Variants in SNX20 observed in about 807,000 individuals in gnomAD.
SNX20 encodes the protein sorting nexin-20.
A neutral mutation model predicts 24.5 loss-of-function variants in SNX20; 21 were observed. That is an observed-to-expected ratio of 0.86 (90% CI 0.61 to 1.23). The LOEUF is 1.23. SNX20 is among the 50% of genes most tolerant of loss of function. The probability of loss-of-function intolerance (pLI) is 0.00; values close to 1 mark genes in which losing one functional copy is unlikely to be tolerated. For synonymous variants in SNX20, 206 were observed against 192.8 expected, an observed-to-expected ratio of 1.07 and a Z score of -0.57; for missense variants, 433 against 430.8, an observed-to-expected ratio of 1.00 and a Z score of -0.04.
Position 50,672,583 on chromosome 16 carries a change from T to G in SNX20, c.*823A>C, listed in dbSNP as rs1567368848. 6.6e-6 allele frequency: 1 copy of G among 151,600 alleles called. No homozygotes were observed. The highest frequency in any genetic ancestry group is 1.5e-5 in the Non-Finnish European group (1 of 68,374). 9.4% of individuals were successfully genotyped at this position (151,600 alleles called of 1,614,324 possible). ...GCAATAGGTGAGCTTTTGTTTTGCT[T>G]TGTCAGGTCTACATGGTAAGGGGGA... On this transcript the variant is annotated 3_prime_UTR_variant, in exon 4 of 4. Transcript: ENST00000330943.
chr16:50,674,160 CG>C, intron 3 of SNX20, 86 bp from the exon 4 acceptor site: 1 of 1,462,612 alleles, frequency 6.8e-7, no homozygotes, highest in South Asian at 1.5e-5. Flanking sequence ...TTAACCAGGC[CG>C]GTGTAAAGCA....
rs533505084 is a variant in SNX20 at position 50,680,417 on chromosome 16, C to T, written c.-10+773G>A. 8.5e-5 allele frequency among the ~76,000 whole-genome samples: 13 copies of T among 152,280 alleles called. No individual in the cohort carries two copies. In the South Asian group the frequency reaches 1.4e-3, roughly 17 times the overall value. ...CCAGGGGACAGAGCAGCTTCCCAGC[C>T]TCCTCTGCCTTCCAGCCGTGTGTGC... On this transcript the variant is annotated intron_variant, in intron 1 of 3. Coordinates refer to ENST00000330943, the MANE Select transcript of SNX20 (RefSeq NM_182854.4).
chr16:50,669,329 C>G (rs560034704), downstream of SNX20: 31 of 568,166 alleles, frequency 5.5e-5, 1 homozygote, highest in South Asian at 6.6e-4. Flanking sequence ...AGGAAGCTTC[C>G]ACTTATGGTG....
intron 3 of SNX20, 47 bp downstream of exon 3, chr16:50,675,723 A>C: frequency 6.2e-7 from 1 of 1,606,092 alleles, no homozygotes; most frequent in Non-Finnish European, 8.5e-7. Context: ...AGGGCCAGGA[A>C]GGAAGCAGAG....
At chr16:50,675,687 AACCTGAGGCTCT>A (rs1963163787) in intron 3 of SNX20, 71 bp downstream of exon 3, 11 of 1,545,852 alleles carry the variant, frequency 7.1e-6, no homozygotes, top group Non-Finnish European at 7.9e-6. Flanking sequence ...ATAGTTGGGA[AACCTGAGGCTCT>A]ACAAGACTTA....
intron 3 of SNX20, among the ~76,000 whole-genome samples, chr16:50,674,723 T>G (rs1963145011): frequency 6.6e-6 from 1 of 152,242 alleles, no homozygotes; most frequent in South Asian, 2.1e-4. Context: ...TGAGATGCTG[T>G]GTTTTCCAAA....
At chr16:50,674,124 G>A (rs535558725) in intron 3 of SNX20, 50 bp from the exon 4 acceptor site, 3 of 1,534,484 alleles carry the variant, frequency 2.0e-6, no homozygotes, top group East Asian at 4.7e-5. Flanking sequence ...GGGGGCTGCG[G>A]CGGACGGAGC....
In SNX20 at chr16:50,673,939, A is replaced by T. The variant is rs187260713; in HGVS notation, c.418T>A (p.Phe140Ile). ...TTCCCAGTCAGGTGCTTCCTGGGAAACTCCACGTCTTCGATCTCCTCCCTG... is the reference window on the plus strand; with the variant it reads ...TTCCCAGTCAGGTGCTTCCTGGGAATCTCCACGTCTTCGATCTCCTCCCTG... ...TFREEIEDVE[F>I]PRKHLTGNFA... Residue 140 changes from phenylalanine to isoleucine, a missense_variant, in exon 4 of 4, where the codon TTT becomes ATT. By Grantham distance (21) the Phe-to-Ile change is conservative (BLOSUM62 0). Transcript: ENST00000330943. This position sits in a 1 kb window ranked among gnomAD's most constrained non-coding sequence, Gnocchi z 4.1. The T allele has an allele frequency of 6.2e-7, 1 of 1,612,728 alleles. No individual in the cohort carries two copies. The highest frequency in any genetic ancestry group is 2.2e-5 in the East Asian group (1 of 44,742).
chr16:50,669,249 G>A, downstream of SNX20: 1 of 683,494 alleles, frequency 1.5e-6, no homozygotes, highest in Non-Finnish European at 2.7e-6. Flanking sequence ...AAAGAAAAGA[G>A]GGTTATTTGG....
intron 2 of SNX20, 47 bp from the exon 3 acceptor site, chr16:50,675,968 C>T (rs369779883): frequency 9.7e-6 from 15 of 1,545,928 alleles, no homozygotes; most frequent in East Asian, 4.6e-5. Flanking sequence ...CAGTGCACTT[C>T]CGAGGCATGG....
At chr16:50,668,965 A>G (rs1962977592), downstream of SNX20, 1 of 1,538,474 alleles carries the variant, frequency 6.5e-7, no homozygotes, top group African/African-American at 1.4e-5. Context: ...CTGACCCTGC[A>G]CCCCTAGGCC....
rs763058281 is a variant in SNX20 at position 50,673,917 on chromosome 16, C to A, written c.440G>T (p.Gly147Val). 6.2e-7 allele frequency: 1 copy of A among 1,612,104 alleles called. No individual in the cohort carries two copies. The change falls in exon 4 of 4, where the codon GGG becomes GTG. Residue 147 changes from glycine to valine, a missense_variant. Physicochemically the swap from Gly to Val is moderately radical, Grantham distance 109. Transcript: ENST00000330943. This position sits in a 1 kb window ranked among gnomAD's most constrained non-coding sequence, Gnocchi z 4.1. ...ACAGATCATCTCCTCAGCGAAGTTC[C>A]CAGTCAGGTGCTTCCTGGGAAACTC... ...DVEFPRKHLT[G>V]NFAEEMICER... is the part of the protein sequence containing the mutation.
At chr16:50,674,415 T>G (rs1963139248) in intron 3 of SNX20, among the ~76,000 whole-genome samples, 1 of 151,678 alleles carries the variant, frequency 6.6e-6, no homozygotes, top group Admixed American at 6.6e-5. Context: ...CCTGGCAGAT[T>G]TTTTGATTTT....
intron 3 of SNX20, 89 bp downstream of exon 3, chr16:50,675,681 T>G: frequency 2.0e-6 from 3 of 1,525,042 alleles, no homozygotes; most frequent in Admixed American, 4.3e-5. Context: ...CATTTCATAG[T>G]TGGGAAACCT....
At chr16:50,674,221 GTTTGTTTGT>G (rs1963131031) in intron 3 of SNX20, 147 bp from the exon 4 acceptor site, 8 of 914,770 alleles carry the variant, frequency 8.7e-6, no homozygotes, top group Non-Finnish European at 1.2e-5. Flanking sequence ...TTGTTTGTTT[GTTTGTTTGT>G]TTATTTATTT....
chr16:50,674,158 G>T, intron 3 of SNX20, 84 bp from the exon 4 acceptor site: 3 of 1,485,206 alleles, frequency 2.0e-6, no homozygotes, highest in South Asian at 2.9e-5. Flanking sequence ...AGTTAACCAG[G>T]CCGGTGTAAA....
At chr16:50,680,596 T>C (rs1963276266) in intron 1 of SNX20, among the ~76,000 whole-genome samples, 1 of 152,110 alleles carries the variant, frequency 6.6e-6, no homozygotes, top group South Asian at 2.1e-4. Flanking sequence ...GGGATGAGCC[T>C]CTAGGGGGTG....
Position 50,673,764 on chromosome 16 carries a change from G to GC in SNX20, c.592dup (p.Ala198GlyfsTer166), listed in dbSNP as rs1293624604. 6.5e-7 allele frequency: 1 copy of GC among 1,527,244 alleles called. No homozygotes were observed. Among genetic ancestry groups the GC allele is most frequent in the African/African-American group, 1.4e-5 (1 of 71,960 alleles). 94.6% of individuals were successfully genotyped at this position (1,527,244 alleles called of 1,614,324 possible). ...CTCCAGGGCGCGCGGGTACTGGCCG[G>GC]CCCGCAGGCAGCCGAAAGCCTCGCG... On this transcript the variant is annotated frameshift_variant, in exon 4 of 4. Transcript: ENST00000330943. LOFTEE classifies it high-confidence loss of function. This position sits in a 1 kb window ranked among gnomAD's most constrained non-coding sequence, Gnocchi z 4.1.
intron 1 of SNX20, among the ~76,000 whole-genome samples, chr16:50,677,899 A>G (rs1297949573): frequency 2.6e-5 from 4 of 152,192 alleles, no homozygotes; most frequent in Non-Finnish European, 5.9e-5. Flanking sequence ...TTTATGTTAC[A>G]CATGCGAATG....
Sources: allele counts gnomAD v4.1 joint callset (sites outside exome capture counted in the v4.1 genomes callset), GRCh38; gene constraint gnomAD v4.1.1; non-coding constraint Gnocchi (gnomAD v3.1); transcripts MANE v1.5; gene names NCBI Gene and HGNC (gene_info 2026-07-23, HGNC 2026-07-21).